Variants in TNNI3K observed in about 807,000 individuals in gnomAD.
The protein encoded by TNNI3K is serine/threonine-protein kinase TNNI3K.
Under a neutral mutation model 114.5 loss-of-function variants are expected in TNNI3K, and 140 were observed. That is an observed-to-expected ratio of 1.22 (90% CI 1.07 to 1.41). TNNI3K has a LOEUF of 1.41. TNNI3K is among the 40% of genes most tolerant of loss of function. The pLI, the probability that TNNI3K is intolerant of heterozygous loss-of-function variation, is 0.00. For missense variants in TNNI3K, 1,125 were observed against 1,007.6 expected, an observed-to-expected ratio of 1.12 and a Z score of -1.58; for synonymous variants, 347 against 347.5, an observed-to-expected ratio of 1.00 and a Z score of 0.02.
chr1:74,479,360 A>C (rs1668362705), intron 21 of TNNI3K, among the ~76,000 whole-genome samples: 1 of 152,234 alleles, frequency 6.6e-6, no homozygotes, highest in African/African-American at 2.4e-5. Context: ...TAGTTTCATA[A>C]ATTTTAAATT....
intron 5 of TNNI3K, among the ~76,000 whole-genome samples, chr1:74,330,659 T>C (rs1366490432): frequency 1.3e-5 from 2 of 152,204 alleles, no homozygotes; most frequent in Non-Finnish European, 2.9e-5. Context: ...TCTGCCTTTT[T>C]GTCAGTCTAA....
chr1:74,334,814 G>A (rs1660384068), intron 6 of TNNI3K, among the ~76,000 whole-genome samples: 1 of 152,114 alleles, frequency 6.6e-6, no homozygotes, highest in South Asian at 2.1e-4. Context: ...ACTGGCTCTG[G>A]CCAGAAGGAG....
intron 5 of TNNI3K, among the ~76,000 whole-genome samples, chr1:74,314,100 T>C (rs1355672534): frequency 6.9e-6 from 1 of 144,562 alleles, no homozygotes; most frequent in African/African-American, 2.5e-5. Context: ...TGTATATATA[T>C]GGATTTCAAG....
intron 20 of TNNI3K, among the ~76,000 whole-genome samples, chr1:74,443,914 G>A (rs1363064089): frequency 6.6e-6 from 1 of 152,168 alleles, no homozygotes; most frequent in African/African-American, 2.4e-5. Context: ...GAAACCTCAT[G>A]ATTATCTCAA....
chr1:74,304,418 T>C (rs556978781), intron 5 of TNNI3K, among the ~76,000 whole-genome samples: 1 of 152,094 alleles, frequency 6.6e-6, no homozygotes, highest in East Asian at 1.9e-4. Context: ...CATTTTTAAA[T>C]TTTTTAGCAA....
intron 6 of TNNI3K, among the ~76,000 whole-genome samples, chr1:74,332,936 A>G (rs1272273793): frequency 7.4e-6 from 1 of 135,068 alleles, no homozygotes; most frequent in Non-Finnish European, 1.5e-5. Flanking sequence ...CAGTGAGAAT[A>G]CTCAAGGAAC....
chr1:74,478,777 T>C (rs1668331568), intron 21 of TNNI3K, among the ~76,000 whole-genome samples: 2 of 152,234 alleles, frequency 1.3e-5, no homozygotes, highest in South Asian at 4.1e-4. Context: ...TATTGGGATA[T>C]CTATTAATTA....
intron 17 of TNNI3K, among the ~76,000 whole-genome samples, chr1:74,398,556 A>G (rs1236960344): frequency 6.6e-6 from 1 of 152,190 alleles, no homozygotes; most frequent in Non-Finnish European, 1.5e-5. Flanking sequence ...AGAAATGCCC[A>G]AAATAGGGAG....
At position 74,464,889 on chromosome 1, in the gene TNNI3K, T is replaced by C. The variant is rs45549931; in HGVS notation, c.2121+1339T>C. On this transcript the variant is annotated intron_variant, in intron 21 of 24. Coordinates refer to ENST00000326637, the MANE Select transcript of TNNI3K (RefSeq NM_015978.3). Reference sequence around the variant, plus strand: ...ACACTAACATCTAAAGCTGGATGCTTAAGAATGTTTGTTGAGTAAATGAAT... The same window carrying C: ...ACACTAACATCTAAAGCTGGATGCTCAAGAATGTTTGTTGAGTAAATGAAT... 3,565 of 1,301,590 alleles carry C rather than the reference T, an allele frequency of 2.7e-3. 81 individuals are homozygous for C. The African/African-American group carries it at 0.049, about 18-fold the overall frequency. 80.6% of individuals were successfully genotyped at this position (1,301,590 alleles called of 1,614,324 possible). A position where few individuals can be genotyped will look rare whatever the true frequency, so the allele number is the denominator to read the frequency against.
intron 5 of TNNI3K, among the ~76,000 whole-genome samples, chr1:74,317,109 A>G (rs1326706521): frequency 1.3e-5 from 2 of 152,186 alleles, no homozygotes; most frequent in East Asian, 1.9e-4. Context: ...ACAAACACAC[A>G]TAACTTTGTT....
At chr1:74,489,586 T>A (rs1334409589) in intron 22 of TNNI3K, among the ~76,000 whole-genome samples, 1 of 152,186 alleles carries the variant, frequency 6.6e-6, no homozygotes, top group Non-Finnish European at 1.5e-5. Flanking sequence ...CAAAAATTCT[T>A]CATACAGAGA....
At chr1:74,419,543 G>C (rs1665294403) in intron 17 of TNNI3K, among the ~76,000 whole-genome samples, 1 of 151,924 alleles carries the variant, frequency 6.6e-6, no homozygotes, top group African/African-American at 2.4e-5. Flanking sequence ...CTATCATAGT[G>C]CTACTGTGAA....
intron 11 of TNNI3K, among the ~76,000 whole-genome samples, chr1:74,354,400 T>C (rs1661548920): frequency 6.6e-6 from 1 of 151,904 alleles, no homozygotes; most frequent in African/African-American, 2.4e-5. Flanking sequence ...AGAAACAAAA[T>C]TGTGATAGAT....
At chr1:74,275,838 A>G (rs1257089177) in intron 5 of TNNI3K, among the ~76,000 whole-genome samples, 1 of 152,108 alleles carries the variant, frequency 6.6e-6, no homozygotes, top group Non-Finnish European at 1.5e-5. Flanking sequence ...GGTTTACAAT[A>G]TATAACACAC....
At chr1:74,458,204 C>T (rs766464286) in intron 20 of TNNI3K, among the ~76,000 whole-genome samples, 8 of 152,160 alleles carry the variant, frequency 5.3e-5, no homozygotes, top group Non-Finnish European at 8.8e-5. Context: ...GACATTTGCT[C>T]AATGTCACAT....
chr1:74,415,918 C>T (rs1328377401), intron 17 of TNNI3K, among the ~76,000 whole-genome samples: 1 of 152,062 alleles, frequency 6.6e-6, no homozygotes, highest in Admixed American at 6.6e-5. Flanking sequence ...TTCTGGTTTG[C>T]CTTCCAGAAA....
chr1:74,367,997 A>G (rs1251899317), intron 13 of TNNI3K, 33 bp downstream of exon 13: 2 of 1,516,638 alleles, frequency 1.3e-6, no homozygotes, highest in Non-Finnish European at 8.8e-7. Context: ...GTTATATTTA[A>G]TTACTAAGGA....
intron 5 of TNNI3K, among the ~76,000 whole-genome samples, chr1:74,314,270 C>T (rs1659172281): frequency 6.6e-6 from 1 of 151,342 alleles, no homozygotes; most frequent in Non-Finnish European, 1.5e-5. Flanking sequence ...TTCAGAAGAA[C>T]TAGAAAAGAA....
intron 23 of TNNI3K, among the ~76,000 whole-genome samples, chr1:74,529,298 C>A (rs999870653): frequency 6.6e-6 from 1 of 152,040 alleles, no homozygotes; most frequent in African/African-American, 2.4e-5. Context: ...ATGAAAGAAA[C>A]AACATCCCTT....
Sources: allele counts gnomAD v4.1 joint callset (sites outside exome capture counted in the v4.1 genomes callset), GRCh38; gene constraint gnomAD v4.1.1; transcripts MANE v1.5; gene names NCBI Gene and HGNC (gene_info 2026-07-23, HGNC 2026-07-21).